RAB5A: variants seen among roughly 807,000 people sequenced by gnomAD.
RAB5A encodes the protein ras-related protein Rab-5A.
In RAB5A, 8 loss-of-function variants were observed where a neutral mutation model predicts 25.7. The ratio of observed to expected loss-of-function variants is 0.31; its 90% CI spans 0.18 to 0.56. The LOEUF (loss-of-function observed/expected upper bound fraction) is 0.56. Among genes scored for constraint, RAB5A ranks in the 20% least tolerant of loss-of-function variants. The probability of loss-of-function intolerance (pLI) is 0.91; values close to 1 mark genes in which losing one functional copy is unlikely to be tolerated. For missense variants in RAB5A, 192 were observed against 259.7 expected (o/e 0.74, Z 1.79); for synonymous variants, 98 against 89.8 (o/e 1.09, Z -0.52).
intron 2 of RAB5A, among the ~76,000 whole-genome samples, chr3:19,958,822 G>A (rs904314902): frequency 2.0e-5 from 3 of 152,010 alleles, no homozygotes; most frequent in Admixed American, 6.6e-5. Context: ...GTGACAGGGC[G>A]CTGAGGTAGG....
At chr3:19,970,256 C>G (rs1028142634) in intron 2 of RAB5A, among the ~76,000 whole-genome samples, 6 of 152,194 alleles carry the variant, frequency 3.9e-5, no homozygotes, top group Admixed American at 6.5e-5. Context: ...AATATCCTTT[C>G]CCTTGCCCAG....
chr3:19,975,999 T>C (rs1337657548), intron 3 of RAB5A, 48 bp from the exon 4 acceptor site: 1 of 1,582,838 alleles, frequency 6.3e-7, no homozygotes, highest in Admixed American at 1.9e-5. Flanking sequence ...AGATGCTTGG[T>C]AACCATTTTT....
chr3:19,972,486 G>A (rs1559491129), intron 2 of RAB5A, among the ~76,000 whole-genome samples: 2 of 152,136 alleles, frequency 1.3e-5, no homozygotes, highest in Admixed American at 1.3e-4. Context: ...AGGTTTCTAA[G>A]CAGAGTTGAG....
At chr3:19,962,240 G>T (rs1320678899) in intron 2 of RAB5A, among the ~76,000 whole-genome samples, 24 of 152,164 alleles carry the variant, frequency 1.6e-4, no homozygotes, top group Admixed American at 1.5e-3. Context: ...TAAGAAGAAT[G>T]TGGTGTAGAA....
rs114254903 is a variant in RAB5A, at chr3:19,982,645, T to C, written c.533-1063T>C. 9.6e-3 allele frequency among the ~76,000 whole-genome samples: 1,460 copies of C among 151,884 alleles called. 22 individuals carry two copies. Among genetic ancestry groups the C allele is most frequent in the African/African-American group, 0.031 (1,285 of 41,396 alleles). The stretch of plus-strand genomic sequence containing the variant: ...GGAAGAGTTGCTTGAGCCCAAGAGT[T>C]CAAGACCAGCCTAGGCAACAAAGTG... On this transcript the variant is annotated intron_variant, in intron 5 of 5. Transcript: ENST00000273047.
chr3:19,955,913 A>T (rs778325881), intron 2 of RAB5A, among the ~76,000 whole-genome samples: 1 of 152,128 alleles, frequency 6.6e-6, no homozygotes, highest in South Asian at 2.1e-4. Context: ...AAAATTGTTC[A>T]TGCAACTAAC....
chr3:19,969,091 C>G (rs1451269425), intron 2 of RAB5A, among the ~76,000 whole-genome samples: 1 of 132,942 alleles, frequency 7.5e-6, no homozygotes, highest in Non-Finnish European at 1.6e-5. Context: ...GTTGCCCAGA[C>G]TGGGGTGCAA....
chr3:19,959,416 C>T (rs867943517), intron 2 of RAB5A, among the ~76,000 whole-genome samples: 2 of 151,578 alleles, frequency 1.3e-5, no homozygotes, highest in Middle Eastern at 3.4e-3. Flanking sequence ...GCCTAAATCT[C>T]CAACTGATCT....
chr3:19,977,752 G>A (rs570741791), intron 4 of RAB5A, among the ~76,000 whole-genome samples: 85 of 152,280 alleles, frequency 5.6e-4, no homozygotes, highest in African/African-American at 1.9e-3. Flanking sequence ...CAACAGCTAT[G>A]AGGATCAAAA....
chr3:19,969,296 G>A (rs576144231), intron 2 of RAB5A, among the ~76,000 whole-genome samples: 4 of 151,838 alleles, frequency 2.6e-5, no homozygotes, highest in South Asian at 4.2e-4. Flanking sequence ...CACCTGCCTC[G>A]GCCTCCTAAA....
intron 2 of RAB5A, among the ~76,000 whole-genome samples, chr3:19,953,866 G>T (rs370439534): frequency 6.6e-6 from 1 of 152,210 alleles, no homozygotes. Context: ...TAGAGTAGAT[G>T]TAAAGCATTT....
At chr3:19,973,242 A>G (rs1166724789) in intron 2 of RAB5A, among the ~76,000 whole-genome samples, 1 of 152,208 alleles carries the variant, frequency 6.6e-6, no homozygotes, top group African/African-American at 2.4e-5. Context: ...AGTCCTCCAC[A>G]GATACTGAGG....
intron 1 of RAB5A, among the ~76,000 whole-genome samples, chr3:19,950,487 T>G (rs373991742): frequency 3.3e-5 from 5 of 152,360 alleles, no homozygotes; most frequent in African/African-American, 1.2e-4. Context: ...CAATTAAGCT[T>G]CTTAACATCT....
chr3:19,980,292 A>C (rs1027428579), intron 5 of RAB5A: 1 of 152,210 alleles, frequency 6.6e-6, no homozygotes, highest in Non-Finnish European at 1.5e-5. Context: ...TTTTTATTCA[A>C]ACATGCTAAT....
chr3:19,960,084 A>G (rs1224914873), intron 2 of RAB5A, among the ~76,000 whole-genome samples: 3 of 152,168 alleles, frequency 2.0e-5, no homozygotes, highest in Non-Finnish European at 2.9e-5. Flanking sequence ...TTCTTACTTG[A>G]TAGAAACATG....
rs1456517286 is a variant in RAB5A at position 19,984,797 on chromosome 3, C to G, written c.*974C>G. On this transcript the variant is annotated 3_prime_UTR_variant, in exon 6 of 6. Coordinates refer to ENST00000273047, the MANE Select transcript of RAB5A (RefSeq NM_004162.5). The stretch of plus-strand genomic sequence containing the variant: ...GTTGCTTAAAAGCATACAAAATGTA[C>G]TGTTACTAAAACAGCTAATTATTTC... 6.5e-6 allele frequency: 1 copy of G among 153,170 alleles called. No homozygotes were observed. The highest frequency in any genetic ancestry group is 1.9e-4 in the East Asian group (1 of 5,206). 9.5% of individuals were successfully genotyped at this position (153,170 alleles called of 1,614,324 possible).
chr3:19,965,278 C>T (rs937997627), intron 2 of RAB5A, among the ~76,000 whole-genome samples: 25 of 151,948 alleles, frequency 1.6e-4, no homozygotes, highest in African/African-American at 5.8e-4. Context: ...TAGTGTTAGC[C>T]GGGTGTGGTT....
intron 1 of RAB5A, among the ~76,000 whole-genome samples, chr3:19,949,732 GTGT>G (rs1001177883): frequency 1.3e-5 from 2 of 152,160 alleles, no homozygotes; most frequent in African/African-American, 4.8e-5. Flanking sequence ...TTTCTTTAAT[GTGT>G]TGTTTAAATA....
chr3:19,970,479 C>A, intron 2 of RAB5A: 1 of 451,310 alleles, frequency 2.2e-6, no homozygotes, highest in Non-Finnish European at 4.5e-6. Context: ...CAGAGGGAGC[C>A]TATCAGACAG....
Sources: gnomAD v4.1 joint callset for allele counts (sites outside exome capture counted in the v4.1 genomes callset) on GRCh38, gnomAD v4.1.1 for gene constraint, MANE v1.5 for transcripts, NCBI Gene and HGNC (gene_info 2026-07-23, HGNC 2026-07-21) for gene names.